SHISA9: variants seen among roughly 807,000 people sequenced by gnomAD.
The protein encoded by SHISA9 is protein shisa-9.
In SHISA9, 13 loss-of-function variants were observed where a neutral mutation model predicts 38.0. The ratio of observed to expected loss-of-function variants is 0.34; its 90% CI spans 0.22 to 0.54. The LOEUF is 0.54. Among genes scored for constraint, SHISA9 ranks in the 20% least tolerant of loss-of-function variants. The pLI, the probability that SHISA9 is intolerant of heterozygous loss-of-function variation, is 0.91. For missense variants in SHISA9, 538 were observed against 575.8 expected (o/e 0.93, Z 0.67); for synonymous variants, 275 against 242.0 (o/e 1.14, Z -1.27).
At chr16:13,526,854 C>T in the SHISA9 span, among the ~76,000 whole-genome samples, 23 of 152,280 alleles carry the variant, frequency 1.5e-4, no homozygotes, top group East Asian at 3.9e-3. Context: ...TCAGGTGACC[C>T]AAACGTACAT....
chr16:13,064,654 C>G (rs1368307611), intron 2 of SHISA9, among the ~76,000 whole-genome samples: 1 of 151,758 alleles, frequency 6.6e-6, no homozygotes, highest in Non-Finnish European at 1.5e-5. Flanking sequence ...ACAAATCTAC[C>G]CAGAAAACAA....
chr16:13,008,656 T>G (rs1596580921), intron 2 of SHISA9, among the ~76,000 whole-genome samples: 1 of 22,866 alleles, frequency 4.4e-5, no homozygotes, highest in Non-Finnish European at 8.2e-5. Flanking sequence ...CCTCCCTCCC[T>G]CCCTCCCTTC....
chr16:13,086,809 CTTTTATT>C (rs933486615), intron 2 of SHISA9, among the ~76,000 whole-genome samples: 2 of 151,660 alleles, frequency 1.3e-5, no homozygotes, highest in African/African-American at 2.4e-5. Flanking sequence ...AAGAACCAGA[CTTTTATT>C]TTTTATTTTT....
the SHISA9 span, among the ~76,000 whole-genome samples, chr16:13,330,567 A>G: frequency 6.6e-6 from 1 of 152,188 alleles, no homozygotes; most frequent in Admixed American, 6.5e-5. Flanking sequence ...TCTTTTGTGT[A>G]TTAATGGTGC....
At chr16:13,154,737 C>G (rs2050528541) in intron 2 of SHISA9, among the ~76,000 whole-genome samples, 1 of 152,174 alleles carries the variant, frequency 6.6e-6, no homozygotes, top group South Asian at 2.1e-4. Flanking sequence ...CTGCAGAGCA[C>G]CAAAGTGGTC....
At chr16:13,110,190 G>T (rs2141965965) in intron 2 of SHISA9, among the ~76,000 whole-genome samples, 1 of 152,290 alleles carries the variant, frequency 6.6e-6, no homozygotes, top group South Asian at 2.1e-4. Flanking sequence ...TGAGATATTT[G>T]CAATGGAATG....
the SHISA9 span, among the ~76,000 whole-genome samples, chr16:13,382,857 TAAAAC>T: frequency 5.9e-5 from 9 of 151,876 alleles, no homozygotes; most frequent in East Asian, 1.5e-3. Context: ...GACTCTGTCT[TAAAAC>T]AAACAAACAA....
In SHISA9 at chr16:12,902,632, G is replaced by A; in HGVS notation, c.563+5G>A. ...CCAAAGGGAGCACATGTCCAGGTGG[G>A]CTGCCTCCCCTTCGCCCTCCCCTCG... On this transcript the variant is annotated splice_donor_5th_base_variant and intron_variant, in intron 1 of 4. Coordinates refer to ENST00000558583, the MANE Select transcript of SHISA9 (RefSeq NM_001145204.3). 6.5e-7 allele frequency: 1 copy of A among 1,538,308 alleles called. No individual in the cohort carries two copies. Among genetic ancestry groups the A allele is most frequent in the South Asian group, 1.2e-5 (1 of 81,972 alleles).
At chr16:13,510,814 T>C in the SHISA9 span, among the ~76,000 whole-genome samples, 3 of 152,020 alleles carry the variant, frequency 2.0e-5, no homozygotes, top group Admixed American at 1.3e-4. Flanking sequence ...AAAATAAAGG[T>C]AATAGACTAA....
At chr16:13,543,772 G>C in the SHISA9 span, among the ~76,000 whole-genome samples, 1 of 152,120 alleles carries the variant, frequency 6.6e-6, no homozygotes, top group Non-Finnish European at 1.5e-5. Flanking sequence ...GATAATGCTC[G>C]CCTCTGAGTA....
the SHISA9 span, among the ~76,000 whole-genome samples, chr16:13,401,701 T>G: frequency 6.6e-6 from 1 of 152,218 alleles, no homozygotes; most frequent in Non-Finnish European, 1.5e-5. Context: ...GACCAAATTG[T>G]CTGGCATCTG....
At chr16:13,551,231 CA>C in the SHISA9 span, among the ~76,000 whole-genome samples, 1 of 152,064 alleles carries the variant, frequency 6.6e-6, no homozygotes, top group African/African-American at 2.4e-5. Flanking sequence ...CTCCTACAAA[CA>C]CACACAAATG....
chr16:13,004,554 A>ATTCATC (rs2072570873), intron 2 of SHISA9, among the ~76,000 whole-genome samples: 1 of 152,226 alleles, frequency 6.6e-6, no homozygotes, highest in Non-Finnish European at 1.5e-5. Context: ...TGCTTGGTGT[A>ATTCATC]GAGTGGACTG....
At chr16:13,059,215 C>T (rs1013116262) in intron 2 of SHISA9, among the ~76,000 whole-genome samples, 1 of 150,064 alleles carries the variant, frequency 6.7e-6, no homozygotes, top group African/African-American at 2.5e-5. Context: ...GCAAGCTCCC[C>T]CTCCCGGGTT....
At chr16:13,217,759 G>A (rs1423375520) in intron 4 of SHISA9, among the ~76,000 whole-genome samples, 1 of 152,192 alleles carries the variant, frequency 6.6e-6, no homozygotes, top group South Asian at 2.1e-4. Context: ...GCCGGGCGTG[G>A]TGGCTCATGC....
intron 2 of SHISA9, among the ~76,000 whole-genome samples, chr16:13,188,314 ATT>A (rs2050848247): frequency 6.6e-6 from 1 of 152,126 alleles, no homozygotes; most frequent in African/African-American, 2.4e-5. Context: ...CCTGCAAAAC[ATT>A]TTCTTTTTCT....
At chr16:13,255,256 C>T in the SHISA9 span, among the ~76,000 whole-genome samples, 1 of 152,032 alleles carries the variant, frequency 6.6e-6, no homozygotes, top group Non-Finnish European at 1.5e-5. Flanking sequence ...GTCTCTCTCT[C>T]TCCCTCTCTC....
the SHISA9 span, among the ~76,000 whole-genome samples, chr16:13,347,515 A>G: frequency 6.6e-6 from 1 of 152,204 alleles, no homozygotes; most frequent in African/African-American, 2.4e-5. Context: ...TGCAGGGACA[A>G]TAGTTGTTTA....
chr16:13,552,416 G>A, the SHISA9 span, among the ~76,000 whole-genome samples: 1 of 152,098 alleles, frequency 6.6e-6, no homozygotes, highest in Admixed American at 6.5e-5. Flanking sequence ...GGGAAGGGCA[G>A]GTGTCACGAT....
Sources: allele counts gnomAD v4.1 joint callset (sites outside exome capture counted in the v4.1 genomes callset), GRCh38; gene constraint gnomAD v4.1.1; transcripts MANE v1.5; gene names NCBI Gene and HGNC (gene_info 2026-07-23, HGNC 2026-07-21).